IRAK3: variants seen among roughly 807,000 people sequenced by gnomAD.
IRAK3 encodes interleukin 1 receptor associated kinase 3, also known as interleukin-1 receptor-associated kinase 3.
Under a neutral mutation model 56.6 loss-of-function variants are expected in IRAK3, and 57 were observed. The ratio of observed to expected loss-of-function variants is 1.01; its 90% CI spans 0.81 to 1.26. The LOEUF is 1.26. IRAK3 is among the 50% of genes most tolerant of loss of function. IRAK3 has a pLI of 0.00. For missense variants in IRAK3, 703 were observed against 719.0 expected, an observed-to-expected ratio of 0.98 and a Z score of 0.25; for synonymous variants, 258 against 255.7, an observed-to-expected ratio of 1.01 and a Z score of -0.09.
At chr12:66,237,254 C>A (rs1216921400) in intron 8 of IRAK3, among the ~76,000 whole-genome samples, 22 of 152,074 alleles carry the variant, frequency 1.4e-4, no homozygotes, top group Non-Finnish European at 3.2e-4. Flanking sequence ...CTGTAATTAT[C>A]CCCCCACAAT....
intron 5 of IRAK3, among the ~76,000 whole-genome samples, chr12:66,215,762 C>T: frequency 1.0e-5 from 1 of 98,908 alleles, no homozygotes; most frequent in Non-Finnish European, 2.2e-5. Flanking sequence ...GCTTTTATCT[C>T]CGCCCCCTAT....
chr12:66,235,329 G>C (rs2052894546), intron 8 of IRAK3: 5 of 736,472 alleles, frequency 6.8e-6, no homozygotes, highest in African/African-American at 1.8e-5. Flanking sequence ...GGGGCAGCCT[G>C]GGCGCGGGGC....
At chr12:66,246,912 T>G (rs918125204) in intron 11 of IRAK3, among the ~76,000 whole-genome samples, 2 of 152,200 alleles carry the variant, frequency 1.3e-5, no homozygotes, top group Non-Finnish European at 2.9e-5. Context: ...CAACACCTTA[T>G]GTTTTGAATG....
intron 5 of IRAK3, among the ~76,000 whole-genome samples, chr12:66,216,324 T>C (rs1420055066): frequency 1.3e-5 from 2 of 152,142 alleles, no homozygotes; most frequent in East Asian, 1.9e-4. Context: ...TCCTTGAAAA[T>C]GATTTTTTAG....
rs781545982 is a variant in IRAK3, at chr12:66,248,373, A to G, written c.*202A>G. The G allele has an allele frequency of 4.4e-5, 23 of 519,114 alleles. No homozygotes were observed. The highest frequency in any genetic ancestry group is 7.9e-5 in the Non-Finnish European group (23 of 291,364). 32.2% of individuals were successfully genotyped at this position (519,114 alleles called of 1,614,324 possible). A position where few individuals can be genotyped will look rare whatever the true frequency, so the allele number is the denominator to read the frequency against. ...GAGTGCCTTAAAAAATTGTTTTATC[A>G]GGATAATTGTCTCATGACCAAATCC... is the stretch of plus-strand genomic sequence containing the variant. On this transcript the variant is annotated 3_prime_UTR_variant, in exon 12 of 12. Coordinates refer to ENST00000261233, the MANE Select transcript of IRAK3 (RefSeq NM_007199.3).
intron 8 of IRAK3, among the ~76,000 whole-genome samples, chr12:66,240,619 G>C (rs1424450878): frequency 1.3e-5 from 2 of 151,920 alleles, no homozygotes; most frequent in Admixed American, 1.3e-4. Context: ...TGCAACAGCC[G>C]TAATACAGAC....
At chr12:66,212,248 G>T (rs1281713856) in intron 5 of IRAK3, among the ~76,000 whole-genome samples, 1 of 152,176 alleles carries the variant, frequency 6.6e-6, no homozygotes, top group Non-Finnish European at 1.5e-5. Flanking sequence ...CTAAGCCACA[G>T]TTTGGCATTT....
intron 1 of IRAK3, among the ~76,000 whole-genome samples, chr12:66,193,248 G>A (rs377647079): frequency 6.6e-6 from 1 of 152,032 alleles, no homozygotes; most frequent in Non-Finnish European, 1.5e-5. Context: ...CCCGACCTCA[G>A]GTGATCTGCC....
chr12:66,196,457 T>C (rs1377048665), intron 1 of IRAK3, among the ~76,000 whole-genome samples: 2 of 152,176 alleles, frequency 1.3e-5, no homozygotes, highest in African/African-American at 4.8e-5. Flanking sequence ...GTATTGATAT[T>C]CACCTGGGAA....
intron 1 of IRAK3, chr12:66,197,681 G>A: frequency 1.0e-6 from 1 of 985,296 alleles, no homozygotes; most frequent in South Asian, 4.7e-5. Context: ...AAATGCCTTT[G>A]TCTAATCTAG....
intron 8 of IRAK3, chr12:66,234,197 T>C: frequency 6.2e-7 from 1 of 1,614,090 alleles, no homozygotes; most frequent in Admixed American, 1.7e-5. Flanking sequence ...CTGTGGCAAG[T>C]AGGCTCCTTG....
At chr12:66,225,296 T>A (rs2052774175) in intron 6 of IRAK3, among the ~76,000 whole-genome samples, 1 of 152,018 alleles carries the variant, frequency 6.6e-6, no homozygotes, top group African/African-American at 2.4e-5. Flanking sequence ...ATAGTTGGAA[T>A]CATAATAGGT....
At chr12:66,223,848 G>C (rs1001946175) in intron 6 of IRAK3, among the ~76,000 whole-genome samples, 4 of 150,766 alleles carry the variant, frequency 2.7e-5, no homozygotes, top group Non-Finnish European at 5.9e-5. Flanking sequence ...CGAGTAGCTG[G>C]GCAAAAACCG....
chr12:66,219,747 T>G (rs760052853), intron 6 of IRAK3, among the ~76,000 whole-genome samples: 2 of 152,242 alleles, frequency 1.3e-5, no homozygotes, highest in African/African-American at 4.8e-5. Context: ...GCCATCCTAA[T>G]AAGTGTGAGG....
chr12:66,219,255 C>A (rs1168648), intron 6 of IRAK3, among the ~76,000 whole-genome samples: 2 of 152,010 alleles, frequency 1.3e-5, no homozygotes, highest in Non-Finnish European at 2.9e-5. Context: ...AAATCTCATC[C>A]TGAATATACT....
At chr12:66,235,830 C>G (rs1157536011) in intron 8 of IRAK3, among the ~76,000 whole-genome samples, 1 of 152,072 alleles carries the variant, frequency 6.6e-6, no homozygotes, top group East Asian at 1.9e-4. Flanking sequence ...GAACCTATAG[C>G]TTATTTTTCA....
Position 66,216,988 on chromosome 12 carries a change from C to G in IRAK3, c.589-183C>G, listed in dbSNP as rs547320985. 2.0e-5 allele frequency among the ~76,000 whole-genome samples: 3 copies of G among 152,288 alleles called. No individual in the cohort carries two copies. In the East Asian group the frequency reaches 5.8e-4, roughly 29 times the overall value. On this transcript the variant is annotated intron_variant, in intron 5 of 11. Coordinates refer to ENST00000261233, the MANE Select transcript of IRAK3 (RefSeq NM_007199.3). ...CAATTCAAGAACACTGGTTCTAGAT[C>G]TCTTTTGGGGCTAATGGATTGTTGA...
intron 11 of IRAK3, among the ~76,000 whole-genome samples, chr12:66,246,596 C>T (rs1462061937): frequency 6.6e-6 from 1 of 152,164 alleles, no homozygotes; most frequent in East Asian, 1.9e-4. Flanking sequence ...AATTGGAAGC[C>T]CGGAGATCCG....
chr12:66,199,343 A>T (rs746974163), intron 1 of IRAK3, among the ~76,000 whole-genome samples: 1 of 152,186 alleles, frequency 6.6e-6, no homozygotes, highest in African/African-American at 2.4e-5. Flanking sequence ...CACTAAATAC[A>T]TGTGTTCCTG....
Sources: gnomAD v4.1 joint callset for allele counts (sites outside exome capture counted in the v4.1 genomes callset) on GRCh38, gnomAD v4.1.1 for gene constraint, MANE v1.5 for transcripts, NCBI Gene and HGNC (gene_info 2026-07-23, HGNC 2026-07-21) for gene names.